Variants in TMEM135 observed in about 807,000 individuals in gnomAD.
The protein encoded by TMEM135 is transmembrane protein 135, also known as peroxisomal membrane protein 52.
TMEM135 carries 30 observed loss-of-function variants against 60.3 expected under a neutral mutation model. The observed-to-expected ratio is 0.50, with a 90% CI of 0.37 to 0.68. The LOEUF (loss-of-function observed/expected upper bound fraction) is 0.68, where lower values mean the gene tolerates loss of function less well. Ranked by LOEUF, TMEM135 falls within the 30% of genes least tolerant of loss-of-function variation. The pLI is 0.00. For synonymous variants in TMEM135, 190 were observed against 186.7 expected (o/e 1.02, Z -0.14); for missense variants, 468 against 548.8 (o/e 0.85, Z 1.47).
intron 3 of TMEM135, among the ~76,000 whole-genome samples, chr11:87,084,080 CT>C (rs1857046957): frequency 6.6e-6 from 1 of 151,952 alleles, no homozygotes; most frequent in African/African-American, 2.4e-5. Flanking sequence ...TTATTCAAAA[CT>C]TTGAGGTTAG....
chr11:87,299,992 G>C, intron 7 of TMEM135, among the ~76,000 whole-genome samples: 1 of 152,116 alleles, frequency 6.6e-6, no homozygotes, highest in South Asian at 2.1e-4. Context: ...AATTTTAAAA[G>C]ACAAATAAGA....
intron 4 of TMEM135, among the ~76,000 whole-genome samples, chr11:87,120,113 C>CTTTTT (rs200904925): frequency 2.2e-5 from 3 of 135,022 alleles, no homozygotes; most frequent in Non-Finnish European, 1.6e-5. Flanking sequence ...TTTTCTTCTT[C>CTTTTT]TTCTTTTTTT....
intron 4 of TMEM135, among the ~76,000 whole-genome samples, chr11:87,106,037 T>A (rs1040705435): frequency 1.3e-5 from 2 of 152,188 alleles, no homozygotes; most frequent in Admixed American, 1.3e-4. Context: ...TTATCTTTTG[T>A]GCCTGGCTTT....
At chr11:87,178,307 A>G (rs1370609041) in intron 5 of TMEM135, 2 of 424,452 alleles carry the variant, frequency 4.7e-6, no homozygotes, top group African/African-American at 4.1e-5. Context: ...GCCCTGTGCC[A>G]GGAACTAGGA....
chr11:87,263,004 A>G (rs1941681410), intron 6 of TMEM135, among the ~76,000 whole-genome samples: 1 of 84,512 alleles, frequency 1.2e-5, no homozygotes, highest in African/African-American at 6.0e-5. Context: ...GTTTTCATGG[A>G]AAAAAAAAAC....
intron 4 of TMEM135, among the ~76,000 whole-genome samples, chr11:87,129,832 C>A (rs56087136): frequency 0.099 from 15,094 of 152,034 alleles, 780 homozygotes; most frequent in African/African-American, 0.11. Flanking sequence ...TGAGCCATTG[C>A]GCTCGGCTGT....
intron 5 of TMEM135, among the ~76,000 whole-genome samples, chr11:87,188,963 T>C (rs768410773): frequency 6.6e-6 from 1 of 151,948 alleles, no homozygotes; most frequent in African/African-American, 2.4e-5. Flanking sequence ...AATTATTCCA[T>C]AGTATAGTTA....
intron 5 of TMEM135, among the ~76,000 whole-genome samples, chr11:87,158,965 G>A (rs987704416): frequency 1.3e-5 from 2 of 152,100 alleles, no homozygotes; most frequent in Non-Finnish European, 2.9e-5. Context: ...TTTTCATAGG[G>A]TGGGCAATGA....
At chr11:87,283,677 G>C (rs1228574531) in intron 6 of TMEM135, among the ~76,000 whole-genome samples, 3 of 152,140 alleles carry the variant, frequency 2.0e-5, no homozygotes, top group Non-Finnish European at 2.9e-5. Flanking sequence ...GGCCAAGATG[G>C]TGAAACCCTG....
chr11:87,245,572 T>C (rs1941248854), intron 6 of TMEM135, among the ~76,000 whole-genome samples: 2 of 142,102 alleles, frequency 1.4e-5, no homozygotes, highest in Admixed American at 6.9e-5. Context: ...TAGTTAGCTC[T>C]TCTTGTTGAA....
intron 5 of TMEM135, among the ~76,000 whole-genome samples, chr11:87,225,323 G>A (rs1392967879): frequency 6.6e-6 from 1 of 152,018 alleles, no homozygotes; most frequent in Non-Finnish European, 1.5e-5. Flanking sequence ...CATCGCAGGG[G>A]TGTTTTGAGC....
chr11:87,050,490 C>A (rs1301167501), intron 1 of TMEM135, among the ~76,000 whole-genome samples: 1 of 66,108 alleles, frequency 1.5e-5, no homozygotes, highest in African/African-American at 1.1e-4. Context: ...GATATCACCA[C>A]CGATCCCACA....
chr11:87,327,593 T>C lies in TMEM135; in HGVS notation c.*6260T>C, dbSNP rs1482644039. ...GAGATATGAGAGGGGATTAAGGGAGTTGGCTCATGTGATTGTGGAGGCTGA... is the reference window on the plus strand; with the variant it reads ...GAGATATGAGAGGGGATTAAGGGAGCTGGCTCATGTGATTGTGGAGGCTGA... On this transcript the variant is annotated 3_prime_UTR_variant, in exon 15 of 15. Transcript: ENST00000305494. The C allele has an allele frequency of 2.2e-6, 1 of 450,954 alleles. No homozygotes were observed. Among genetic ancestry groups the C allele is most frequent in the Non-Finnish European group, 4.4e-6 (1 of 225,586 alleles). The allele number at this position is 450,954 out of a possible 1,614,324, so 27.9% of individuals were successfully genotyped here.
At chr11:87,069,284 C>CAAAAAAA (rs778885228) in intron 2 of TMEM135, among the ~76,000 whole-genome samples, 49 of 62,466 alleles carry the variant, frequency 7.8e-4, no homozygotes, top group Non-Finnish European at 1.1e-3. Context: ...GACTCCGTCT[C>CAAAAAAA]AAAAAAAAAA....
intron 6 of TMEM135, among the ~76,000 whole-genome samples, chr11:87,254,953 A>G (rs769802423): frequency 2.6e-5 from 4 of 152,212 alleles, no homozygotes; most frequent in Non-Finnish European, 4.4e-5. Flanking sequence ...CAGCTTGGAC[A>G]ACATAGGGAG....
At chr11:87,095,332 CA>C (rs1857299682) in intron 4 of TMEM135, 3 of 211,338 alleles carry the variant, frequency 1.4e-5, no homozygotes, top group African/African-American at 6.9e-5. Context: ...CACCAGCCAG[CA>C]CTATAAGGTT....
chr11:87,116,640 CACACACAG>C (rs986104929), intron 4 of TMEM135, among the ~76,000 whole-genome samples: 43 of 43,162 alleles, frequency 1.0e-3, no homozygotes, highest in Admixed American at 1.4e-3. Context: ...TACACACACA[CACACACAG>C]ACACACACAT....
At chr11:87,098,556 G>A (rs1857382306) in intron 4 of TMEM135, among the ~76,000 whole-genome samples, 1 of 151,674 alleles carries the variant, frequency 6.6e-6, no homozygotes, top group Non-Finnish European at 1.5e-5. Context: ...TAAATAACTT[G>A]AAGAAATCAT....
intron 1 of TMEM135, among the ~76,000 whole-genome samples, chr11:87,058,345 T>C (rs1314839783): frequency 6.6e-6 from 1 of 150,640 alleles, no homozygotes. Context: ...ATTATTATTA[T>C]TTTTTTGACA....
Sources: allele counts gnomAD v4.1 joint callset (sites outside exome capture counted in the v4.1 genomes callset), GRCh38; gene constraint gnomAD v4.1.1; transcripts MANE v1.5; gene names NCBI Gene and HGNC (gene_info 2026-07-23, HGNC 2026-07-21).